The following KDM4C variants were observed in gnomAD, a reference collection of about 807,000 sequenced individuals.
The protein encoded by KDM4C is lysine-specific demethylase 4C.
Under a neutral mutation model 129.3 loss-of-function variants are expected in KDM4C, and 81 were observed. The observed-to-expected ratio is 0.63, with a 90% CI of 0.52 to 0.75. The LOEUF is 0.75. KDM4C is among the 30% of genes least tolerant of loss of function. KDM4C has a pLI of 0.00. For missense variants in KDM4C, 1,457 were observed against 1,304.0 expected (o/e 1.12, Z -1.81); for synonymous variants, 573 against 456.1 (o/e 1.26, Z -3.26).
At chr9:6,966,826 A>G (rs1466368466) in intron 8 of KDM4C, among the ~76,000 whole-genome samples, 2 of 152,224 alleles carry the variant, frequency 1.3e-5, no homozygotes, top group African/African-American at 4.8e-5. Context: ...GAAAATTAAT[A>G]TAGGAAGCTA....
At chr9:6,872,938 T>G (rs1842985678) in intron 5 of KDM4C, among the ~76,000 whole-genome samples, 1 of 152,230 alleles carries the variant, frequency 6.6e-6, no homozygotes, top group African/African-American at 2.4e-5. Context: ...TTTTTATTTT[T>G]TCTTTAAGAC....
chr9:6,765,797 T>G (rs894642994), intron 1 of KDM4C, among the ~76,000 whole-genome samples: 1 of 152,166 alleles, frequency 6.6e-6, no homozygotes, highest in Non-Finnish European at 1.5e-5. Flanking sequence ...CTTTTTCTTT[T>G]TTTTGCAGGG....
chr9:7,044,578 T>C (rs574254701), intron 15 of KDM4C, among the ~76,000 whole-genome samples: 48 of 151,908 alleles, frequency 3.2e-4, no homozygotes, highest in African/African-American at 1.2e-3. Flanking sequence ...AGAGGAAAAA[T>C]GTGTCCTCCA....
intron 4 of KDM4C, among the ~76,000 whole-genome samples, chr9:6,847,586 T>A (rs1029253492): frequency 5.9e-5 from 9 of 152,142 alleles, no homozygotes; most frequent in Non-Finnish European, 7.4e-5. Flanking sequence ...GAGACAGGGT[T>A]TCACCGTGTT....
At chr9:7,132,318 A>G (rs551863533) in intron 19 of KDM4C, among the ~76,000 whole-genome samples, 2 of 152,192 alleles carry the variant, frequency 1.3e-5, no homozygotes, top group Admixed American at 6.5e-5. Flanking sequence ...TGGCCTATCC[A>G]TGTTTGAGAA....
rs192913979 is a variant in KDM4C, at chr9:7,035,108, G to C, written c.2260-11754G>C. The stretch of plus-strand genomic sequence containing the variant: ...GCTCACTGTATTCTCTACTTCCTGA[G>C]CTCATGTGATCCTCCCACCTTTGCC... On this transcript the variant is annotated intron_variant, in intron 15 of 21. Transcript: ENST00000381309. Among the ~76,000 whole-genome samples the C allele has an allele frequency of 2.0e-3, 298 of 151,658 alleles. 3 individuals are homozygous for C. The highest frequency in any genetic ancestry group is 6.6e-3 in the African/African-American group (273 of 41,416).
intron 6 of KDM4C, among the ~76,000 whole-genome samples, chr9:6,883,049 G>A (rs2000082): frequency 3.3e-5 from 5 of 152,206 alleles, no homozygotes; most frequent in East Asian, 1.9e-4. Context: ...CGTTTGGTCC[G>A]AAAAGGATTA....
At chr9:7,053,944 C>T in intron 17 of KDM4C, among the ~76,000 whole-genome samples, 1 of 152,194 alleles carries the variant, frequency 6.6e-6, no homozygotes, top group East Asian at 1.9e-4. Flanking sequence ...AACCAGTTTC[C>T]CTGTCAGCTT....
intron 15 of KDM4C, among the ~76,000 whole-genome samples, chr9:7,027,462 A>G (rs1284277034): frequency 6.6e-6 from 1 of 152,142 alleles, no homozygotes; most frequent in Non-Finnish European, 1.5e-5. Flanking sequence ...GTTCTGAGCC[A>G]TGTGGAGCTG....
intron 5 of KDM4C, among the ~76,000 whole-genome samples, chr9:6,853,304 A>G (rs575680346): frequency 1.3e-5 from 2 of 151,186 alleles, no homozygotes; most frequent in African/African-American, 4.9e-5. Flanking sequence ...CCTGGGCAAC[A>G]TGGCAAAACT....
intron 1 of KDM4C, 26 bp from the exon 2 acceptor site, chr9:6,792,946 T>A (rs1826976416): frequency 6.2e-7 from 1 of 1,611,702 alleles, no homozygotes; most frequent in Non-Finnish European, 8.5e-7. Context: ...AATTCAGTTC[T>A]GTTGACCCTA....
chr9:7,131,607 G>A (rs943488070), intron 19 of KDM4C, among the ~76,000 whole-genome samples: 70 of 152,074 alleles, frequency 4.6e-4, no homozygotes, highest in African/African-American at 1.6e-3. Context: ...CATGAGCCAC[G>A]GTGCCCAGCC....
chr9:7,053,244 G>A (rs1459360287), intron 17 of KDM4C, among the ~76,000 whole-genome samples: 1 of 152,164 alleles, frequency 6.6e-6, no homozygotes, highest in Non-Finnish European at 1.5e-5. Flanking sequence ...TGAATATTTT[G>A]GTAACACTAT....
chr9:7,008,471 C>T (rs192153921), intron 12 of KDM4C, among the ~76,000 whole-genome samples: 2 of 152,318 alleles, frequency 1.3e-5, no homozygotes, highest in African/African-American at 4.8e-5. Context: ...CCCCCACAGA[C>T]CCAGGCTCCA....
intron 4 of KDM4C, among the ~76,000 whole-genome samples, chr9:6,840,341 A>G (rs1175014272): frequency 6.6e-6 from 1 of 151,916 alleles, no homozygotes; most frequent in East Asian, 1.9e-4. Context: ...CTGAAATGCT[A>G]GGATTACAGG....
intron 4 of KDM4C, among the ~76,000 whole-genome samples, chr9:6,843,244 T>C (rs1837299788): frequency 6.6e-6 from 1 of 152,266 alleles, no homozygotes; most frequent in South Asian, 2.1e-4. Flanking sequence ...CCATGCTGTT[T>C]GGAACAGGAT....
intron 17 of KDM4C, among the ~76,000 whole-genome samples, chr9:7,052,894 A>AGAGAGAGAGAGAGATAGT (rs1339242817): frequency 9.5e-6 from 1 of 105,468 alleles, no homozygotes; most frequent in South Asian, 3.7e-4. Context: ...AGAGAGAGAG[A>AGAGAGAGAGAGAGATAGT]GAGAGAGCGA....
chr9:7,097,349 A>G (rs1433116708), intron 17 of KDM4C, among the ~76,000 whole-genome samples: 6 of 152,054 alleles, frequency 3.9e-5, no homozygotes, highest in Admixed American at 6.5e-5. Flanking sequence ...TTTGAGAGAA[A>G]CCCTGTTTTT....
chr9:7,076,597 G>A, intron 17 of KDM4C: 5 of 1,470,656 alleles, frequency 3.4e-6, no homozygotes, highest in Non-Finnish European at 4.5e-6. Context: ...TGTTTAGGAT[G>A]GGGATACAAT....
Sources: gnomAD v4.1 joint callset for allele counts (sites outside exome capture counted in the v4.1 genomes callset) on GRCh38, gnomAD v4.1.1 for gene constraint, MANE v1.5 for transcripts, NCBI Gene and HGNC (gene_info 2026-07-23, HGNC 2026-07-21) for gene names.